The following PEX13 variants were observed in gnomAD, a reference collection of about 807,000 sequenced individuals.
PEX13 encodes the protein peroxisome biogenesis factor 13.
PEX13 carries 28 observed loss-of-function variants against 34.5 expected under a neutral mutation model. The ratio of observed to expected loss-of-function variants is 0.81; its 90% CI spans 0.60 to 1.11. The LOEUF (loss-of-function observed/expected upper bound fraction) is 1.11. Ranked by LOEUF, PEX13 falls within the 50% of genes most tolerant of loss-of-function variation. The pLI is 0.00. For missense variants in PEX13, 550 were observed against 491.0 expected (o/e 1.12, Z -1.13); for synonymous variants, 177 against 175.1 (o/e 1.01, Z -0.09).
intron 2 of PEX13, among the ~76,000 whole-genome samples, chr2:61,036,257 T>G (rs1478870339): frequency 1.3e-5 from 2 of 151,976 alleles, no homozygotes; most frequent in African/African-American, 4.8e-5. Flanking sequence ...CAGGCCAACA[T>G]TCAAATTCAG....
At chr2:61,031,371 A>T (rs1471069358) in intron 1 of PEX13, 48 bp from the exon 2 acceptor site, 2 of 1,386,920 alleles carry the variant, frequency 1.4e-6, no homozygotes, top group Non-Finnish European at 2.0e-6. Flanking sequence ...CTTTGAATTG[A>T]ATTTATTGTA....
chr2:61,022,988 G>C (rs933990411), intron 1 of PEX13, among the ~76,000 whole-genome samples: 1 of 151,536 alleles, frequency 6.6e-6, no homozygotes, highest in African/African-American at 2.4e-5. Flanking sequence ...TAGCTAGATA[G>C]GTTTTTCTGT....
intron 3 of PEX13, among the ~76,000 whole-genome samples, chr2:61,046,702 C>T (rs1680708568): frequency 1.3e-5 from 2 of 152,264 alleles, no homozygotes; most frequent in Middle Eastern, 3.4e-3. Context: ...AGCAAAGGTG[C>T]AATAGAACTG....
At chr2:61,044,938 C>T (rs572197943) in intron 2 of PEX13, among the ~76,000 whole-genome samples, 90 of 152,314 alleles carry the variant, frequency 5.9e-4, no homozygotes, top group Non-Finnish European at 1.0e-3. Flanking sequence ...GACCTCCATG[C>T]AAGCACAAAG....
chr2:61,020,154 A>C (rs1680229903), intron 1 of PEX13, among the ~76,000 whole-genome samples: 1 of 152,202 alleles, frequency 6.6e-6, no homozygotes, highest in Admixed American at 6.5e-5. Flanking sequence ...TGAACCCACG[A>C]GGCGGAGCTT....
intron 2 of PEX13, among the ~76,000 whole-genome samples, chr2:61,044,943 A>T (rs1295117823): frequency 6.6e-6 from 1 of 152,236 alleles, no homozygotes; most frequent in Non-Finnish European, 1.5e-5. Context: ...CCATGCAAGC[A>T]CAAAGGAAAT....
intron 2 of PEX13, among the ~76,000 whole-genome samples, chr2:61,034,195 C>A (rs1453009020): frequency 6.6e-6 from 1 of 152,128 alleles, no homozygotes; most frequent in Non-Finnish European, 1.5e-5. Context: ...CGGGGTTTCA[C>A]CGTGTTGCCC....
At chr2:61,039,276 A>C (rs148465423) in intron 2 of PEX13, among the ~76,000 whole-genome samples, 117,371 of 152,092 alleles carry the variant, frequency 0.77, 46,659 homozygotes, top group African/African-American at 0.94. Flanking sequence ...AAAAAGAGCC[A>C]ACATAACCAA....
In PEX13 at chr2:61,045,821, G is replaced by T. The variant is rs779108805; in HGVS notation, c.883G>T (p.Ala295Ser). 2 of 1,613,208 alleles carry T rather than the reference G, an allele frequency of 1.2e-6. No individual in the cohort carries two copies. Among genetic ancestry groups the T allele is most frequent in the South Asian group, 1.1e-5 (1 of 91,048 alleles). ...ATCTGAAGAAGAAATTTCTTTCCGG[G>T]CTGGTGATATGCTGAACTTAGCTCT... ...AVSEEEISFR[A>S]GDMLNLALKE... The change falls in exon 3 of 4, where the codon GCT becomes TCT. Residue 295 changes from alanine (A) to serine (S), a missense_variant. By Grantham distance (99) the Ala-to-Ser change is moderately conservative. Transcript: ENST00000295030.
At chr2:61,017,944 C>A (rs1680123302) in intron 1 of PEX13, 93 bp downstream of exon 1, 4 of 1,393,924 alleles carry the variant, frequency 2.9e-6, no homozygotes, top group Admixed American at 4.1e-5. Flanking sequence ...GAGGTATTCC[C>A]TTCCCCCCTT....
chr2:61,021,867 G>C (rs1680270399), intron 1 of PEX13, among the ~76,000 whole-genome samples: 1 of 152,174 alleles, frequency 6.6e-6, no homozygotes, highest in African/African-American at 2.4e-5. Flanking sequence ...GCCTCTGCTG[G>C]TGATACCCAG....
chr2:61,034,007 TTCTTCGGGAGACAGAG>T (rs1680494003), intron 2 of PEX13, among the ~76,000 whole-genome samples: 1 of 152,160 alleles, frequency 6.6e-6, no homozygotes, highest in African/African-American at 2.4e-5. Context: ...TTTGTTTTTT[TTCTTCGGGAGACAGAG>T]TCTTGCTCTG....
intron 2 of PEX13, among the ~76,000 whole-genome samples, chr2:61,041,742 T>G (rs1680628575): frequency 6.6e-6 from 1 of 152,210 alleles, no homozygotes; most frequent in South Asian, 2.1e-4. Context: ...GCTTTGTCTT[T>G]TCAGAAGTGA....
At chr2:61,041,836 A>C (rs536347836) in intron 2 of PEX13, among the ~76,000 whole-genome samples, 45 of 152,334 alleles carry the variant, frequency 3.0e-4, no homozygotes, top group African/African-American at 1.0e-3. Flanking sequence ...TAGGAGTTAA[A>C]TGATGAAGAA....
rs2564097 is a variant in PEX13, at chr2:61,050,917, A to G, written c.*2147A>G. On this transcript the variant is annotated 3_prime_UTR_variant, in exon 4 of 4. Transcript: ENST00000295030. Reference sequence around the variant, plus strand: ...ATTACAGGCGTGAGCCACCGCACCCAGCGATTTAGTATTTTTTTCTAATAG... The same window carrying G: ...ATTACAGGCGTGAGCCACCGCACCCGGCGATTTAGTATTTTTTTCTAATAG... 0.65 allele frequency: 98,287 copies of G among 152,298 alleles called. 33,521 individuals are homozygous for G. Among genetic ancestry groups the G allele is most frequent in the African/African-American group, 0.87 (36,238 of 41,538 alleles). The allele number at this position is 152,298 out of a possible 1,614,324, so 9.4% of individuals were successfully genotyped here.
chr2:61,038,726 A>C (rs561764292), intron 2 of PEX13, among the ~76,000 whole-genome samples: 1 of 152,232 alleles, frequency 6.6e-6, no homozygotes, highest in Non-Finnish European at 1.5e-5. Flanking sequence ...CACCACTCCT[A>C]TTCAACATGG....
chr2:61,027,431 C>G (rs996631110), intron 1 of PEX13, among the ~76,000 whole-genome samples: 4 of 152,110 alleles, frequency 2.6e-5, no homozygotes, highest in African/African-American at 9.7e-5. Context: ...GTTTCATTTC[C>G]TGGGCTGGAG....
chr2:61,043,998 G>A (rs1225499226), intron 2 of PEX13, among the ~76,000 whole-genome samples: 2 of 152,126 alleles, frequency 1.3e-5, no homozygotes, highest in African/African-American at 4.8e-5. Flanking sequence ...CAGCCAGGCT[G>A]GAGTGCAGTA....
intron 1 of PEX13, among the ~76,000 whole-genome samples, chr2:61,030,940 G>A (rs957211350): frequency 6.6e-6 from 1 of 152,132 alleles, no homozygotes; most frequent in Non-Finnish European, 1.5e-5. Flanking sequence ...TTCTGAATTA[G>A]ACATGGTGAT....
Sources: gnomAD v4.1 joint callset for allele counts (sites outside exome capture counted in the v4.1 genomes callset) on GRCh38, gnomAD v4.1.1 for gene constraint, MANE v1.5 for transcripts, NCBI Gene and HGNC (gene_info 2026-07-23, HGNC 2026-07-21) for gene names.